CTF1: variants seen among roughly 807,000 people sequenced by gnomAD.
The protein encoded by CTF1 is cardiotrophin-1.
A neutral mutation model predicts 10.9 loss-of-function variants in CTF1; 9 were observed. The ratio of observed to expected loss-of-function variants is 0.83; its 90% CI spans 0.50 to 1.44. CTF1 has a LOEUF of 1.44. Among genes scored for constraint, CTF1 ranks in the 40% most tolerant of loss-of-function variants. The probability of loss-of-function intolerance (pLI) is 0.00; values close to 1 mark genes in which losing one functional copy is unlikely to be tolerated. For synonymous variants in CTF1, 133 were observed against 138.8 expected, an observed-to-expected ratio of 0.96 and a Z score of 0.29; for missense variants, 259 against 275.3, an observed-to-expected ratio of 0.94 and a Z score of 0.42.
chr16:30,899,549 G>A lies in CTF1; in HGVS notation c.144+16G>A, dbSNP rs1160606442. ...CCAGGAATATGTGAGTGGGAATGGG[G>A]GTGGGGGTGCCGGGGGCCTGGGGAA... On this transcript the variant is annotated intron_variant, in intron 2 of 2. Coordinates refer to ENST00000279804, the MANE Select transcript of CTF1 (RefSeq NM_001330.5). 1 of 1,394,086 alleles carries A rather than the reference G, an allele frequency of 7.2e-7. No individual in the cohort carries two copies. Among genetic ancestry groups the A allele is most frequent in the South Asian group, 1.2e-5 (1 of 85,270 alleles). The allele number at this position is 1,394,086 out of a possible 1,614,324, so 86.4% of individuals were successfully genotyped here. A position where few individuals can be genotyped will look rare whatever the true frequency, so the allele number is the denominator to read the frequency against.
chr16:30,901,578 A>T (rs1460026084), intron 2 of CTF1, among the ~76,000 whole-genome samples: 2 of 151,820 alleles, frequency 1.3e-5, no homozygotes, highest in African/African-American at 4.8e-5. Context: ...ATTAGGTCCT[A>T]TTTATTTATT....
At chr16:30,897,177 G>A (rs758837036) in intron 1 of CTF1, among the ~76,000 whole-genome samples, 1 of 152,188 alleles carries the variant, frequency 6.6e-6, no homozygotes, top group Non-Finnish European at 1.5e-5. Context: ...CACGCATCGG[G>A]CGCGCGCTGT....
chr16:30,899,122 A>T (rs1345984539), intron 1 of CTF1, among the ~76,000 whole-genome samples: 1 of 152,168 alleles, frequency 6.6e-6, no homozygotes, highest in African/African-American at 2.4e-5. Flanking sequence ...TCTACGATGT[A>T]TTTACGTACT....
At position 30,902,078 on chromosome 16, in the gene CTF1, G is replaced by T; in HGVS notation, c.145G>T (p.Val49Leu). Reference protein sequence around the residue: ...KYAEQLLQEYVQLQGDPFGLP... With the variant: ...KYAEQLLQEYLQLQGDPFGLP... ...TGACCCGCCGGCCGTGTCTCCGCAG[G>T]TGCAGCTCCAGGGAGACCCCTTCGG... Residue 49 changes from valine to leucine, a missense_variant and splice_region_variant, in exon 3 of 3, where the codon GTG becomes TTG. Physicochemically the swap from Val to Leu is conservative, Grantham distance 32 (BLOSUM62 1). Coordinates refer to ENST00000279804, the MANE Select transcript of CTF1 (RefSeq NM_001330.5). The T allele has an allele frequency of 6.9e-7, 1 of 1,451,436 alleles. No homozygotes were observed. 89.9% of individuals were successfully genotyped at this position (1,451,436 alleles called of 1,614,324 possible).
chr16:30,897,849 C>T (rs1012299650), intron 1 of CTF1, among the ~76,000 whole-genome samples: 4 of 151,620 alleles, frequency 2.6e-5, no homozygotes, highest in African/African-American at 7.3e-5. Flanking sequence ...AGCAAGACTC[C>T]GTCTCTCTCT....
intron 1 of CTF1, among the ~76,000 whole-genome samples, chr16:30,897,158 A>C (rs536974734): frequency 6.6e-6 from 1 of 152,238 alleles, no homozygotes; most frequent in South Asian, 2.1e-4. Flanking sequence ...TCAGGACTAC[A>C]TTCCCCAGCA....
rs1330223033 is a variant in CTF1 at position 30,902,386 on chromosome 16, G to A, written c.453G>A (p.Arg151=). ...AALGAANRGP[R]AEPPAATASA... ...TGGGCGCCGCCAACCGCGGGCCCCG[G>A]GCCGAGCCCCCCGCCGCCACCGCCT... Residue 151 remains arginine (R), a synonymous_variant, in exon 3 of 3, where the codon CGG becomes CGA. Transcript: ENST00000279804. 6 of 1,237,346 alleles carry A rather than the reference G, an allele frequency of 4.8e-6. No homozygotes were observed. Among genetic ancestry groups the A allele is most frequent in the Non-Finnish European group, 6.1e-6 (6 of 990,382 alleles). 76.6% of individuals were successfully genotyped at this position (1,237,346 alleles called of 1,614,324 possible). A position where few individuals can be genotyped will look rare whatever the true frequency, so the allele number is the denominator to read the frequency against.
chr16:30,896,623 CG>C lies in CTF1; in HGVS notation c.-18del. On this transcript the variant is annotated 5_prime_UTR_variant, in exon 1 of 3. Coordinates refer to ENST00000279804, the MANE Select transcript of CTF1 (RefSeq NM_001330.5). Reference sequence around the variant, plus strand: ...CTCGAAAGGGGGGCGTGAAGGGAGCCGGGATCAGCCAGGGGCCAGCATGAGC... The same window carrying C: ...CTCGAAAGGGGGGCGTGAAGGGAGCCGGATCAGCCAGGGGCCAGCATGAGC... The C allele has an allele frequency of 8.0e-7, 1 of 1,253,426 alleles. No individual in the cohort carries two copies. Among genetic ancestry groups the C allele is most frequent in the African/African-American group, 1.5e-5 (1 of 64,604 alleles). 77.6% of individuals were successfully genotyped at this position (1,253,426 alleles called of 1,614,324 possible).
intron 2 of CTF1, among the ~76,000 whole-genome samples, chr16:30,899,809 T>C (rs948833577): frequency 3.3e-5 from 5 of 152,174 alleles, no homozygotes; most frequent in African/African-American, 1.2e-4. Context: ...TGGAGTGCAG[T>C]GGTGCCATTA....
chr16:30,903,448 C>G lies in CTF1; in HGVS notation c.*909C>G, dbSNP rs886051929. The G allele has an allele frequency of 2.0e-5, 3 of 152,642 alleles. No homozygotes were observed. The East Asian group carries it at 5.8e-4, about 29-fold the overall frequency. 9.5% of individuals were successfully genotyped at this position (152,642 alleles called of 1,614,324 possible). ...CTGTCCCTGCACACCTCCACTGCCT[C>G]CCAGCAGATCTGTGGAGACAAAACA... On this transcript the variant is annotated 3_prime_UTR_variant, in exon 3 of 3. Transcript: ENST00000279804.
At position 30,902,936 on chromosome 16, in the gene CTF1, C is replaced by CT. The variant is rs1256680820; in HGVS notation, c.*398dup. ...AAGCGATCCTCCCGCTTCAGCCTCC[C>CT]TAAGTGCTGGGATTGCAGGCGTGAG... On this transcript the variant is annotated 3_prime_UTR_variant, in exon 3 of 3. Transcript: ENST00000279804. 1 of 159,634 alleles carries CT rather than the reference C, an allele frequency of 6.3e-6. No homozygotes were observed. Among genetic ancestry groups the CT allele is most frequent in the Non-Finnish European group, 1.4e-5 (1 of 72,250 alleles). The allele number at this position is 159,634 out of a possible 1,614,324, so 9.9% of individuals were successfully genotyped here.
At chr16:30,899,840 C>A (rs2055386971) in intron 2 of CTF1, among the ~76,000 whole-genome samples, 1 of 152,192 alleles carries the variant, frequency 6.6e-6, no homozygotes, top group Non-Finnish European at 1.5e-5. Flanking sequence ...CAGCCTCAAC[C>A]TCCTGGGCTT....
At position 30,896,684 on chromosome 16, in the gene CTF1, A is replaced by C; in HGVS notation, c.25+16A>C. ...GGAAGTCTGGGTAAGGGGCTGAGGG[A>C]CCGGACGCCGGGTCGCTGAGGGGCG... On this transcript the variant is annotated intron_variant, in intron 1 of 2. Transcript: ENST00000279804. The C allele has an allele frequency of 8.0e-7, 1 of 1,252,068 alleles. No individual in the cohort carries two copies. The allele number at this position is 1,252,068 out of a possible 1,614,324, so 77.6% of individuals were successfully genotyped here. A position where few individuals can be genotyped will look rare whatever the true frequency, so the allele number is the denominator to read the frequency against.
chr16:30,895,888 T>C (rs1039186168), upstream of CTF1, among the ~76,000 whole-genome samples: 2 of 151,888 alleles, frequency 1.3e-5, no homozygotes, highest in South Asian at 2.1e-4. Flanking sequence ...ACAAACCCCA[T>C]TAGCTTCTGT....
At position 30,902,787 on chromosome 16, in the gene CTF1, C is replaced by G. The variant is rs1310234207; in HGVS notation, c.*248C>G. ...TCCTGGGCTCAAGCCATCCTTCCGC[C>G]TCAGCTTCCCCAGCAGCTGGGACTA... On this transcript the variant is annotated 3_prime_UTR_variant, in exon 3 of 3. Transcript: ENST00000279804. 1 of 387,198 alleles carries G rather than the reference C, an allele frequency of 2.6e-6. No homozygotes were observed. The highest frequency in any genetic ancestry group is 4.3e-6 in the Non-Finnish European group (1 of 229,974). The allele number at this position is 387,198 out of a possible 1,614,324, so 24.0% of individuals were successfully genotyped here. A position where few individuals can be genotyped will look rare whatever the true frequency, so the allele number is the denominator to read the frequency against.
intron 1 of CTF1, among the ~76,000 whole-genome samples, chr16:30,897,770 G>A (rs1375994122): frequency 6.6e-6 from 1 of 152,094 alleles, no homozygotes; most frequent in East Asian, 1.9e-4. Flanking sequence ...CGGGAGGATC[G>A]CTTGAGCCCA....
rs762796437 is a variant in CTF1 at position 30,902,545 on chromosome 16, G to C, written c.*6G>C. 2.0e-6 allele frequency: 3 copies of C among 1,498,526 alleles called. No individual in the cohort carries two copies. The Admixed American group carries it at 6.2e-5, about 31-fold the overall frequency. The allele number at this position is 1,498,526 out of a possible 1,614,324, so 92.8% of individuals were successfully genotyped here. A position where few individuals can be genotyped will look rare whatever the true frequency, so the allele number is the denominator to read the frequency against. On this transcript the variant is annotated 3_prime_UTR_variant, in exon 3 of 3. Coordinates refer to ENST00000279804, the MANE Select transcript of CTF1 (RefSeq NM_001330.5). Reference sequence around the variant, plus strand: ...TGCCCGGGGGCTCGGCCTGAGCGCCGCGGGGCAGCTCGCCCCGCCTCCTCC... The same window carrying C: ...TGCCCGGGGGCTCGGCCTGAGCGCCCCGGGGCAGCTCGCCCCGCCTCCTCC...
At chr16:30,898,587 C>T (rs1364989817) in intron 1 of CTF1, among the ~76,000 whole-genome samples, 1 of 152,126 alleles carries the variant, frequency 6.6e-6, no homozygotes, top group African/African-American at 2.4e-5. Flanking sequence ...GCCACCACGC[C>T]TAACCGATAT....
At position 30,902,213 on chromosome 16, in the gene CTF1, C is replaced by G; in HGVS notation, c.280C>G (p.Leu94Val). The G allele has an allele frequency of 8.6e-7, 1 of 1,160,236 alleles. No homozygotes were observed. 71.9% of individuals were successfully genotyped at this position (1,160,236 alleles called of 1,614,324 possible). Reference protein sequence around the residue: ...HERLRLDAAALAALPPLLDAV... With the variant: ...HERLRLDAAAVAALPPLLDAV... Reference sequence around the variant, plus strand: ...GCGGCTGCGGCTGGACGCGGCGGCGCTGGCCGCGCTGCCCCCGCTGCTGGA... The same window carrying G: ...GCGGCTGCGGCTGGACGCGGCGGCGGTGGCCGCGCTGCCCCCGCTGCTGGA... Residue 94 changes from leucine (L) to valine (V), a missense_variant, in exon 3 of 3, where the codon CTG becomes GTG. By Grantham distance (32) the Leu-to-Val change is conservative. Transcript: ENST00000279804.
Sources: gnomAD v4.1 joint callset for allele counts (sites outside exome capture counted in the v4.1 genomes callset) on GRCh38, gnomAD v4.1.1 for gene constraint, MANE v1.5 for transcripts, NCBI Gene and HGNC (gene_info 2026-07-23, HGNC 2026-07-21) for gene names.